DNAJC1: variants seen among roughly 807,000 people sequenced by gnomAD.
DNAJC1 encodes the protein dnaJ homolog subfamily C member 1.
In DNAJC1, 58 loss-of-function variants were observed where a neutral mutation model predicts 76.6. The ratio of observed to expected loss-of-function variants is 0.76; its 90% CI spans 0.61 to 0.94. DNAJC1 has a LOEUF of 0.94. DNAJC1 is among the 40% of genes least tolerant of loss of function. The probability of loss-of-function intolerance (pLI) is 0.00; values close to 1 mark genes in which losing one functional copy is unlikely to be tolerated. For missense variants in DNAJC1, 689 were observed against 677.3 expected, an observed-to-expected ratio of 1.02 and a Z score of -0.19; for synonymous variants, 258 against 267.9, an observed-to-expected ratio of 0.96 and a Z score of 0.36.
At chr10:21,822,009 C>A (rs1183317274) in intron 8 of DNAJC1, among the ~76,000 whole-genome samples, 1 of 152,146 alleles carries the variant, frequency 6.6e-6, no homozygotes, top group African/African-American at 2.4e-5. Context: ...TATTATTCAA[C>A]AGAATGGTAC....
At chr10:21,997,897 T>C (rs936045407) in intron 1 of DNAJC1, among the ~76,000 whole-genome samples, 8 of 152,178 alleles carry the variant, frequency 5.3e-5, no homozygotes, top group South Asian at 2.1e-4. Context: ...GCTACATAAA[T>C]AGAAGTCTGT....
At chr10:21,793,671 C>T (rs1834719066) in intron 9 of DNAJC1, among the ~76,000 whole-genome samples, 2 of 152,162 alleles carry the variant, frequency 1.3e-5, no homozygotes, top group South Asian at 2.1e-4. Flanking sequence ...TCTGGCTGGG[C>T]GCAGTGGCTC....
chr10:21,898,472 A>G (rs1836582990), intron 7 of DNAJC1, among the ~76,000 whole-genome samples: 1 of 152,242 alleles, frequency 6.6e-6, no homozygotes, highest in East Asian at 1.9e-4. Context: ...AAAGTATAGC[A>G]CATTCAATTG....
In DNAJC1 at chr10:21,973,793, A is replaced by G. The variant is rs1838020408; in HGVS notation, c.222+29420T>C. 2.0e-5 allele frequency among the ~76,000 whole-genome samples: 3 copies of G among 151,972 alleles called. No homozygotes were observed. The South Asian group carries it at 6.2e-4, about 31-fold the overall frequency. Reference sequence around the variant, plus strand: ...GTGTTAGAAAAGATCTGGAGATGAAAGTTTCTCTAGCTTGAAATATGATTT... The same window carrying G: ...GTGTTAGAAAAGATCTGGAGATGAAGGTTTCTCTAGCTTGAAATATGATTT... On this transcript the variant is annotated intron_variant, in intron 1 of 11. Coordinates refer to ENST00000376980, the MANE Select transcript of DNAJC1 (RefSeq NM_022365.4).
intron 8 of DNAJC1, among the ~76,000 whole-genome samples, chr10:21,831,572 C>T (rs562962480): frequency 1.2e-4 from 19 of 152,080 alleles, no homozygotes; most frequent in South Asian, 6.2e-4. Context: ...GGGTGGATCA[C>T]GAGGTCAGGA....
chr10:21,805,562 T>C (rs1176068791), intron 9 of DNAJC1, among the ~76,000 whole-genome samples: 1 of 152,144 alleles, frequency 6.6e-6, no homozygotes, highest in African/African-American at 2.4e-5. Flanking sequence ...ATTATGGGTA[T>C]ATTGCTCATT....
chr10:21,914,932 T>C (rs1836926688), intron 6 of DNAJC1, among the ~76,000 whole-genome samples: 1 of 152,204 alleles, frequency 6.6e-6, no homozygotes, highest in Non-Finnish European at 1.5e-5. Context: ...GAAGTCACTG[T>C]TCATACTAAA....
intron 6 of DNAJC1, among the ~76,000 whole-genome samples, chr10:21,910,557 A>T (rs375127841): frequency 6.6e-6 from 1 of 151,916 alleles, no homozygotes; most frequent in East Asian, 1.9e-4. Context: ...AGGGCATTAA[A>T]CTAACAGAAA....
At chr10:21,983,251 T>C (rs1412679295) in intron 1 of DNAJC1, among the ~76,000 whole-genome samples, 1 of 152,228 alleles carries the variant, frequency 6.6e-6, no homozygotes. Flanking sequence ...AAGTGGTATA[T>C]ACACGCAATG....
At chr10:21,950,291 C>T (rs1029921933) in intron 1 of DNAJC1, among the ~76,000 whole-genome samples, 4 of 152,122 alleles carry the variant, frequency 2.6e-5, no homozygotes, top group African/African-American at 9.7e-5. Flanking sequence ...ATTATTATTA[C>T]CTCTGTTATA....
intron 9 of DNAJC1, among the ~76,000 whole-genome samples, chr10:21,790,010 T>TAAAAAAAAAAA (rs35639440): frequency 2.4e-5 from 1 of 41,092 alleles, no homozygotes; most frequent in African/African-American, 1.2e-4. Context: ...GCTCTGTCTT[T>TAAAAAAAAAAA]AAAAAAAAAA....
At chr10:21,849,082 G>A (rs1835706383) in intron 8 of DNAJC1, among the ~76,000 whole-genome samples, 1 of 151,768 alleles carries the variant, frequency 6.6e-6, no homozygotes. Context: ...CTGATGTCAG[G>A]AGTTCAAGAC....
At chr10:21,968,856 T>C (rs1336644673) in intron 1 of DNAJC1, among the ~76,000 whole-genome samples, 2 of 152,014 alleles carry the variant, frequency 1.3e-5, no homozygotes, top group Non-Finnish European at 1.5e-5. Context: ...GCTGCAGCAA[T>C]AATAAGTGGC....
At chr10:21,815,303 C>A (rs1323302645) in intron 8 of DNAJC1, among the ~76,000 whole-genome samples, 1 of 152,158 alleles carries the variant, frequency 6.6e-6, no homozygotes, top group African/African-American at 2.4e-5. Flanking sequence ...TTCAGGTAAG[C>A]CTGAACTCTC....
chr10:21,918,942 A>ATG, intron 5 of DNAJC1, 70 bp from the exon 6 acceptor site: 1 of 1,048,712 alleles, frequency 9.5e-7, no homozygotes, highest in Non-Finnish European at 1.5e-6. Flanking sequence ...GGGAGGCAAA[A>ATG]TAATTCTATA....
At chr10:21,984,783 G>T (rs546275042) in intron 1 of DNAJC1, among the ~76,000 whole-genome samples, 10 of 152,222 alleles carry the variant, frequency 6.6e-5, no homozygotes, top group Middle Eastern at 3.4e-3. Context: ...GTACACTAAA[G>T]AAATTACATT....
intron 1 of DNAJC1, among the ~76,000 whole-genome samples, chr10:21,953,072 CT>C (rs1837624028): frequency 6.6e-6 from 1 of 151,984 alleles, no homozygotes; most frequent in African/African-American, 2.4e-5. Context: ...ACTCTCTTGA[CT>C]GTAAAAGGAA....
At chr10:21,992,780 G>A (rs1212665633) in intron 1 of DNAJC1, among the ~76,000 whole-genome samples, 1 of 152,006 alleles carries the variant, frequency 6.6e-6, no homozygotes, top group Non-Finnish European at 1.5e-5. Flanking sequence ...TATTTCTTTA[G>A]GCTACCCAGA....
At chr10:21,921,652 C>A (rs1262050006) in intron 3 of DNAJC1, among the ~76,000 whole-genome samples, 1 of 151,920 alleles carries the variant, frequency 6.6e-6, no homozygotes, top group Non-Finnish European at 1.5e-5. Context: ...GTGGCAATTT[C>A]CTCATTTTTG....
Sources: gnomAD v4.1 joint callset for allele counts (sites outside exome capture counted in the v4.1 genomes callset) on GRCh38, gnomAD v4.1.1 for gene constraint, MANE v1.5 for transcripts, NCBI Gene and HGNC (gene_info 2026-07-23, HGNC 2026-07-21) for gene names.